ZBTB40: variants seen among roughly 807,000 people sequenced by gnomAD.
ZBTB40 encodes the protein zinc finger and BTB domain containing 40, also known as zinc finger and BTB domain-containing protein 40.
ZBTB40 carries 60 observed loss-of-function variants against 117.5 expected under a neutral mutation model. The ratio of observed to expected loss-of-function variants is 0.51; its 90% CI spans 0.41 to 0.63. The LOEUF is 0.63. Ranked by LOEUF, ZBTB40 falls within the 30% of genes least tolerant of loss-of-function variation. The probability of loss-of-function intolerance (pLI) is 0.00; values close to 1 mark genes in which losing one functional copy is unlikely to be tolerated. For synonymous variants in ZBTB40, 525 were observed against 577.1 expected (o/e 0.91, Z 1.29); for missense variants, 1,287 against 1,498.5 (o/e 0.86, Z 2.33).
chr1:22,433,215 C>T (rs533287188), intron 1 of ZBTB40, among the ~76,000 whole-genome samples: 2 of 151,844 alleles, frequency 1.3e-5, no homozygotes, highest in African/African-American at 2.4e-5. Context: ...AGGTGGATCA[C>T]GAGGTCAGGA....
chr1:22,502,516 CACTTTAT>C, intron 5 of ZBTB40, 75 bp downstream of exon 5: 1 of 1,586,480 alleles, frequency 6.3e-7, no homozygotes, highest in Non-Finnish European at 8.6e-7. Context: ...TGGCACATAG[CACTTTAT>C]ACTTTGCAGT....
chr1:22,458,947 G>T (rs2124385932), intron 1 of ZBTB40, among the ~76,000 whole-genome samples: 1 of 152,276 alleles, frequency 6.6e-6, no homozygotes, highest in Non-Finnish European at 1.5e-5. Context: ...TTTTTACCAA[G>T]AAGTTTTTAT....
intron 1 of ZBTB40, among the ~76,000 whole-genome samples, chr1:22,457,151 GA>G (rs1641023309): frequency 6.6e-6 from 1 of 151,852 alleles, no homozygotes; most frequent in Non-Finnish European, 1.5e-5. Flanking sequence ...GAAAGAAGAA[GA>G]GGGGAGGGGA....
chr1:22,432,670 A>G (rs904866518), intron 1 of ZBTB40, among the ~76,000 whole-genome samples: 4 of 152,136 alleles, frequency 2.6e-5, no homozygotes, highest in Non-Finnish European at 5.9e-5. Context: ...TCAGATTTCC[A>G]TGGTTTTTGT....
chr1:22,441,298 T>C (rs117400740), intron 1 of ZBTB40, among the ~76,000 whole-genome samples: 4,105 of 152,130 alleles, frequency 0.027, 147 homozygotes, highest in Admixed American at 0.093. Flanking sequence ...ATACTCCATT[T>C]TATTTCTCTA....
intron 16 of ZBTB40, 87 bp downstream of exon 16, chr1:22,522,550 A>C (rs929212956): frequency 6.3e-6 from 8 of 1,277,584 alleles, no homozygotes; most frequent in Non-Finnish European, 9.1e-6. Context: ...CCTAGGCTAA[A>C]TCGCTTAACA....
intron 1 of ZBTB40, among the ~76,000 whole-genome samples, chr1:22,470,921 C>T (rs546688243): frequency 1.7e-3 from 263 of 152,332 alleles, no homozygotes; most frequent in Non-Finnish European, 3.1e-3. Flanking sequence ...TTCTATGATT[C>T]TGAAGAGACT....
intron 1 of ZBTB40, among the ~76,000 whole-genome samples, chr1:22,464,304 C>T (rs1353012163): frequency 6.6e-6 from 1 of 152,208 alleles, no homozygotes; most frequent in Non-Finnish European, 1.5e-5. Flanking sequence ...AGCTACATTG[C>T]TCATGAAAGC....
intron 12 of ZBTB40, among the ~76,000 whole-genome samples, chr1:22,515,494 T>G (rs943907292): frequency 6.6e-5 from 10 of 152,332 alleles, no homozygotes; most frequent in African/African-American, 2.4e-4. Context: ...TCGGCAGAGT[T>G]CCTTCTGGAG....
intron 1 of ZBTB40, among the ~76,000 whole-genome samples, chr1:22,472,465 C>T (rs1216484958): frequency 6.6e-6 from 1 of 152,156 alleles, no homozygotes; most frequent in African/African-American, 2.4e-5. Flanking sequence ...GGATTACAGG[C>T]GTGAGCCACT....
intron 1 of ZBTB40, among the ~76,000 whole-genome samples, chr1:22,434,357 C>A (rs558159078): frequency 1.2e-4 from 19 of 152,138 alleles, no homozygotes; most frequent in Non-Finnish European, 2.5e-4. Context: ...AAAATGAATC[C>A]TTTGTCTGTA....
intron 12 of ZBTB40, among the ~76,000 whole-genome samples, chr1:22,514,863 G>A (rs918037487): frequency 6.6e-6 from 1 of 152,112 alleles, no homozygotes; most frequent in African/African-American, 2.4e-5. Context: ...GCCTTCAATC[G>A]ATATTTGCTG....
At chr1:22,490,767 C>A in intron 2 of ZBTB40, 122 bp downstream of exon 2, 2 of 1,035,908 alleles carry the variant, frequency 1.9e-6, no homozygotes, top group Non-Finnish European at 2.9e-6. Flanking sequence ...CAGTGCAGTA[C>A]CGTACTGGGC....
intron 3 of ZBTB40, among the ~76,000 whole-genome samples, chr1:22,498,342 C>T (rs1188808454): frequency 6.6e-6 from 1 of 152,226 alleles, no homozygotes; most frequent in Non-Finnish European, 1.5e-5. Flanking sequence ...TCCTAATACC[C>T]TTCTGTTTAG....
intron 1 of ZBTB40, among the ~76,000 whole-genome samples, chr1:22,433,658 T>C (rs1640632166): frequency 6.9e-6 from 1 of 144,310 alleles, no homozygotes; most frequent in Admixed American, 6.9e-5. Flanking sequence ...ACTACCCCTG[T>C]AGTCCTAGAA....
At chr1:22,443,686 G>A (rs1411934807) in intron 1 of ZBTB40, among the ~76,000 whole-genome samples, 1 of 152,216 alleles carries the variant, frequency 6.6e-6, no homozygotes, top group Non-Finnish European at 1.5e-5. Flanking sequence ...ATTCTCTATA[G>A]AATGCAAATT....
chr1:22,435,866 A>G (rs991028203), intron 1 of ZBTB40, among the ~76,000 whole-genome samples: 4 of 151,932 alleles, frequency 2.6e-5, no homozygotes, highest in African/African-American at 9.7e-5. Context: ...GTCAGGAGTT[A>G]GAGACCACCC....
rs1242560790 is a variant in ZBTB40 at position 22,511,689 on chromosome 1, G to C, written c.2016G>C (p.Lys672Asn). The C allele has an allele frequency of 1.2e-6, 2 of 1,610,548 alleles. No homozygotes were observed. The highest frequency in any genetic ancestry group is 4.5e-5 in the East Asian group (2 of 44,844). Residue 672 changes from lysine to asparagine, a missense_variant, in exon 11 of 18, where the codon AAG becomes AAC. By Grantham distance (94) the Lys-to-Asn change is moderately conservative. This residue lies in a region of ZBTB40 where 870 missense variants were observed against 934.4 expected (regional missense o/e 0.93). Coordinates refer to ENST00000375647, the MANE Select transcript of ZBTB40 (RefSeq NM_014870.4). The stretch of plus-strand genomic sequence containing the variant: ...TCTTTTATGCAGGTGTCCTTACTAA[G>C]GAAGATGGAGAGAAGGAAACGTGGA... ...QELAYIGVLT[K>N]EDGEKETWKV...
In ZBTB40 at chr1:22,490,441, G is replaced by A; in HGVS notation, c.493G>A (p.Ala165Thr). Residue 165 changes from alanine (A) to threonine (T), a missense_variant, in exon 2 of 18, where the codon GCC becomes ACC. Coordinates refer to ENST00000375647, the MANE Select transcript of ZBTB40 (RefSeq NM_014870.4). ...GCCTCATTCTTCCCCAGAGCTTGCT[G>A]CCACTCCAGGGGGCCCTGTGAAAGC... ...GEPHSSPELA[A>T]TPGGPVKAET... 1 of 1,606,030 alleles carries A rather than the reference G, an allele frequency of 6.2e-7. No homozygotes were observed. The highest frequency in any genetic ancestry group is 8.5e-7 in the Non-Finnish European group (1 of 1,175,064).
Sources: gnomAD v4.1 joint callset for allele counts (sites outside exome capture counted in the v4.1 genomes callset) on GRCh38, gnomAD v4.1.1 for gene constraint, gnomAD v4.1.1 regional missense constraint, MANE v1.5 for transcripts, NCBI Gene and HGNC (gene_info 2026-07-23, HGNC 2026-07-21) for gene names.